The following DTNA variants were observed in gnomAD, a reference collection of about 807,000 sequenced individuals.
DTNA encodes dystrophin-related protein 3.
A neutral mutation model predicts 100.7 loss-of-function variants in DTNA; 43 were observed. The observed-to-expected ratio is 0.43, with a 90% CI of 0.33 to 0.55. The LOEUF (loss-of-function observed/expected upper bound fraction) is 0.55. Ranked by LOEUF, DTNA falls within the 20% of genes least tolerant of loss-of-function variation. The pLI, the probability that DTNA is intolerant of heterozygous loss-of-function variation, is 0.04. For synonymous variants in DTNA, 349 were observed against 347.9 expected, an observed-to-expected ratio of 1.00 and a Z score of -0.04; for missense variants, 798 against 953.9, an observed-to-expected ratio of 0.84 and a Z score of 2.15.
At position 34,888,564 on chromosome 18, in the gene DTNA, G is replaced by A. The variant is rs2096942510; in HGVS notation, c.*830G>A. 19 of 985,602 alleles carry A rather than the reference G, an allele frequency of 1.9e-5. No homozygotes were observed. Among genetic ancestry groups the A allele is most frequent in the Non-Finnish European group, 2.2e-5 (18 of 829,776 alleles). 61.1% of individuals were successfully genotyped at this position (985,602 alleles called of 1,614,324 possible). A position where few individuals can be genotyped will look rare whatever the true frequency, so the allele number is the denominator to read the frequency against. Reference sequence around the variant, plus strand: ...CAAATAGATATCATATTCAAAAAAGGCAGCATTCAAATTATATAGAATCTA... The same window carrying A: ...CAAATAGATATCATATTCAAAAAAGACAGCATTCAAATTATATAGAATCTA... On this transcript the variant is annotated 3_prime_UTR_variant, in exon 23 of 23. Coordinates refer to ENST00000444659, the MANE Select transcript of DTNA (RefSeq NM_001386795.1).
intron 1 of DTNA, among the ~76,000 whole-genome samples, chr18:34,744,330 G>A (rs2091220437): frequency 6.6e-6 from 1 of 152,138 alleles, no homozygotes; most frequent in South Asian, 2.1e-4. Context: ...GCAGCTCTGT[G>A]TTCTGAGTAT....
intron 1 of DTNA, among the ~76,000 whole-genome samples, chr18:34,722,156 A>G (rs914118839): frequency 2.0e-5 from 3 of 152,196 alleles, no homozygotes; most frequent in Non-Finnish European, 4.4e-5. Context: ...TAGTAATGCT[A>G]AGATCTGAGA....
At chr18:34,669,952 TC>T (rs1315731958) in intron 1 of DTNA, among the ~76,000 whole-genome samples, 5 of 152,342 alleles carry the variant, frequency 3.3e-5, no homozygotes, top group Admixed American at 2.6e-4. Context: ...TCTCTGTATT[TC>T]CTGAATTTGA....
At chr18:34,721,200 C>A (rs1416714701) in intron 1 of DTNA, among the ~76,000 whole-genome samples, 1 of 152,168 alleles carries the variant, frequency 6.6e-6, no homozygotes, top group Non-Finnish European at 1.5e-5. Context: ...CTTCATTCAA[C>A]ACCTCTTCAC....
intron 1 of DTNA, among the ~76,000 whole-genome samples, chr18:34,612,444 G>A (rs2054409289): frequency 6.6e-6 from 1 of 152,158 alleles, no homozygotes; most frequent in African/African-American, 2.4e-5. Flanking sequence ...TAAGGGGACA[G>A]AAGGAGAATG....
intron 1 of DTNA, among the ~76,000 whole-genome samples, chr18:34,538,272 T>C (rs2043915210): frequency 6.6e-6 from 1 of 152,042 alleles, no homozygotes; most frequent in African/African-American, 2.4e-5. Flanking sequence ...CACTGTGGGG[T>C]TGGGGCCCAG....
chr18:34,568,744 C>A (rs775318844), intron 1 of DTNA, among the ~76,000 whole-genome samples: 9 of 152,130 alleles, frequency 5.9e-5, no homozygotes, highest in Non-Finnish European at 1.0e-4. Context: ...CTGACTCAGC[C>A]TCCTGAATAG....
intron 6 of DTNA, among the ~76,000 whole-genome samples, chr18:34,813,653 G>A (rs2095531710): frequency 6.6e-6 from 1 of 151,914 alleles, no homozygotes; most frequent in South Asian, 2.1e-4. Flanking sequence ...AGGAGTTTGA[G>A]ACCAGCCTGT....
chr18:34,820,876 C>T lies in DTNA; in HGVS notation c.962C>T (p.Pro321Leu), dbSNP rs774455487. The change falls in exon 9 of 23, where the codon CCA becomes CTA. Residue 321 changes from proline (P) to leucine (L), a missense_variant. Physicochemically the swap from Pro to Leu is moderately conservative, Grantham distance 98. This residue lies in a region of DTNA where 93 missense variants were observed against 90.5 expected (regional missense o/e 1.03). Coordinates refer to ENST00000444659, the MANE Select transcript of DTNA (RefSeq NM_001386795.1). ...SSREPLHPMF[P>L]DQPEKPLNLA... ...CGTGAACCTTTGCACCCCATGTTCCCAGATCAGCCTGAGAAGCCACTCAAC... is the reference window on the plus strand; with the variant it reads ...CGTGAACCTTTGCACCCCATGTTCCTAGATCAGCCTGAGAAGCCACTCAAC... 1.2e-5 allele frequency: 19 copies of T among 1,613,978 alleles called. No individual in the cohort carries two copies. Among genetic ancestry groups the T allele is most frequent in the Non-Finnish European group, 1.6e-5 (19 of 1,180,000 alleles).
chr18:34,853,667 A>G (rs2096514061), intron 15 of DTNA, among the ~76,000 whole-genome samples: 1 of 152,130 alleles, frequency 6.6e-6, no homozygotes, highest in Non-Finnish European at 1.5e-5. Flanking sequence ...AAAATTTAAA[A>G]ATAAAATTAA....
intron 4 of DTNA, among the ~76,000 whole-genome samples, chr18:34,800,135 G>C (rs955067013): frequency 6.6e-6 from 1 of 152,090 alleles, no homozygotes; most frequent in South Asian, 2.1e-4. Context: ...ATTCAAACAC[G>C]TTATATTTCT....
chr18:34,848,114 C>T (rs2096412506), intron 13 of DTNA, among the ~76,000 whole-genome samples, 182 bp from the exon 14 acceptor site: 1 of 152,122 alleles, frequency 6.6e-6, no homozygotes, highest in Non-Finnish European at 1.5e-5. Flanking sequence ...AATGACCTTC[C>T]CGACTATATA....
intron 1 of DTNA, among the ~76,000 whole-genome samples, chr18:34,548,822 C>CT (rs2045083344): frequency 2.0e-5 from 3 of 151,964 alleles, no homozygotes; most frequent in Admixed American, 2.0e-4. Flanking sequence ...ATAATCAAAC[C>CT]TTTTGTCTTT....
intron 1 of DTNA, among the ~76,000 whole-genome samples, chr18:34,735,075 TACAC>T (rs145560396): frequency 6.6e-6 from 1 of 151,802 alleles, no homozygotes; most frequent in Admixed American, 6.6e-5. Flanking sequence ...CATATATATA[TACAC>T]ACACACACAC....
At chr18:34,631,389 A>G (rs537829764) in intron 1 of DTNA, among the ~76,000 whole-genome samples, 43 of 152,332 alleles carry the variant, frequency 2.8e-4, no homozygotes, top group Admixed American at 1.4e-3. Flanking sequence ...TTTTAATTTC[A>G]CAATAACTCA....
At chr18:34,506,109 T>C (rs187233825) in intron 1 of DTNA, among the ~76,000 whole-genome samples, 4 of 152,326 alleles carry the variant, frequency 2.6e-5, no homozygotes, top group Admixed American at 2.6e-4. Flanking sequence ...TACTTCCAGC[T>C]ATGAAGGGTA....
At chr18:34,783,801 C>T (rs2094422690) in intron 3 of DTNA, among the ~76,000 whole-genome samples, 2 of 152,072 alleles carry the variant, frequency 1.3e-5, no homozygotes, top group African/African-American at 4.8e-5. Flanking sequence ...GTCCTTCTTC[C>T]CTAAAAGATT....
intron 1 of DTNA, among the ~76,000 whole-genome samples, chr18:34,630,668 T>G (rs1201106610): frequency 6.6e-6 from 1 of 152,102 alleles, no homozygotes; most frequent in Non-Finnish European, 1.5e-5. Context: ...TGTAATAACC[T>G]CTTGGATTTA....
chr18:34,813,073 G>A (rs1485746717), intron 6 of DTNA, among the ~76,000 whole-genome samples: 1 of 152,166 alleles, frequency 6.6e-6, no homozygotes, highest in African/African-American at 2.4e-5. Context: ...GTCATGTAGA[G>A]AGACTCCAGG....
Sources: allele counts gnomAD v4.1 joint callset (sites outside exome capture counted in the v4.1 genomes callset), GRCh38; gene constraint gnomAD v4.1.1; regional missense constraint gnomAD v4.1.1; transcripts MANE v1.5; gene names NCBI Gene and HGNC (gene_info 2026-07-23, HGNC 2026-07-21).